Variants in UGT1A8 observed in about 807,000 individuals in gnomAD.
The protein encoded by UGT1A8 is UDP-glucuronosyltransferase 1A8.
In UGT1A8, 39 loss-of-function variants were observed where a neutral mutation model predicts 45.3. The ratio of observed to expected loss-of-function variants is 0.86; its 90% CI spans 0.67 to 1.12. The LOEUF is 1.12. UGT1A8 is among the 50% of genes most tolerant of loss of function. The probability of loss-of-function intolerance (pLI) is 0.00; values close to 1 mark genes in which losing one functional copy is unlikely to be tolerated. For missense variants in UGT1A8, 719 were observed against 664.9 expected (o/e 1.08, Z -0.90); for synonymous variants, 275 against 249.2 (o/e 1.10, Z -0.97).
chr2:233,679,778 G>T (rs966968949), intron 1 of UGT1A8, among the ~76,000 whole-genome samples: 7 of 152,042 alleles, frequency 4.6e-5, no homozygotes, highest in African/African-American at 1.7e-4. Flanking sequence ...AAATTCTCCA[G>T]TTTTAGATTC....
chr2:233,761,232 A>G, intron 1 of UGT1A8: 1 of 1,613,036 alleles, frequency 6.2e-7, no homozygotes, highest in Non-Finnish European at 8.5e-7. Flanking sequence ...CCCCAGATAT[A>G]TGCTGAGCAA....
chr2:233,617,740 C>T lies in UGT1A8; in HGVS notation c.33C>T (p.Pro11=), dbSNP rs2072927264. The T allele has an allele frequency of 1.2e-6, 2 of 1,614,070 alleles. No homozygotes were observed. The highest frequency in any genetic ancestry group is 8.5e-7 in the Non-Finnish European group (1 of 1,180,000). The change falls in exon 1 of 5, where the codon CCC becomes CCT. Residue 11 remains proline (P), a synonymous_variant. Transcript: ENST00000373450. ...GCACAGGGTGGACCAGCCCCATTCCCCTATGTGTTTCTCTGCTGCTGACCT... is the reference window on the plus strand; with the variant it reads ...GCACAGGGTGGACCAGCCCCATTCCTCTATGTGTTTCTCTGCTGCTGACCT... MARTGWTSPI[P]LCVSLLLTCG...
chr2:233,709,027 C>A (rs2076053667), intron 1 of UGT1A8, among the ~76,000 whole-genome samples: 1 of 152,124 alleles, frequency 6.6e-6, no homozygotes, highest in Non-Finnish European at 1.5e-5. Context: ...GCAGCAGGGG[C>A]TTCAGCCTGA....
chr2:233,652,513 A>G (rs1243625429), intron 1 of UGT1A8, among the ~76,000 whole-genome samples: 1 of 152,236 alleles, frequency 6.6e-6, no homozygotes, highest in Non-Finnish European at 1.5e-5. Context: ...AAAATTTGTT[A>G]CATAGCCACA....
At chr2:233,746,224 T>C (rs977968303) in intron 1 of UGT1A8, among the ~76,000 whole-genome samples, 14 of 151,784 alleles carry the variant, frequency 9.2e-5, no homozygotes, top group Non-Finnish European at 5.9e-5. Flanking sequence ...CAAGGACAGA[T>C]ATGCAAACTG....
intron 1 of UGT1A8, among the ~76,000 whole-genome samples, chr2:233,638,815 T>C (rs1388904936): frequency 6.6e-6 from 1 of 152,238 alleles, no homozygotes; most frequent in Non-Finnish European, 1.5e-5. Flanking sequence ...GAAATAATGC[T>C]CTTTCTAAAA....
intron 1 of UGT1A8, among the ~76,000 whole-genome samples, chr2:233,690,060 C>T (rs1252081460): frequency 1.3e-5 from 2 of 152,154 alleles, no homozygotes; most frequent in African/African-American, 4.8e-5. Context: ...TTCTGCAGCC[C>T]CACCTCACAG....
chr2:233,687,293 G>A (rs539296326), intron 1 of UGT1A8, among the ~76,000 whole-genome samples: 2 of 152,144 alleles, frequency 1.3e-5, no homozygotes, highest in Non-Finnish European at 2.9e-5. Flanking sequence ...ACAACATGGT[G>A]AGATATCAAT....
chr2:233,700,871 C>G (rs1196807341), intron 1 of UGT1A8, among the ~76,000 whole-genome samples: 4 of 151,832 alleles, frequency 2.6e-5, no homozygotes, highest in African/African-American at 9.7e-5. Context: ...ATCCCTCCCT[C>G]CTCCCCCCAC....
At chr2:233,716,297 A>G (rs1181187909) in intron 1 of UGT1A8, among the ~76,000 whole-genome samples, 1 of 152,154 alleles carries the variant, frequency 6.6e-6, no homozygotes, top group Non-Finnish European at 1.5e-5. Flanking sequence ...CACATCTATA[A>G]AGTCTCTTCC....
chr2:233,632,195 TATC>T (rs925260404), intron 1 of UGT1A8, among the ~76,000 whole-genome samples: 14 of 152,342 alleles, frequency 9.2e-5, no homozygotes, highest in African/African-American at 3.4e-4. Context: ...TTGGTCTATA[TATC>T]TGTTTGGGTA....
intron 1 of UGT1A8, among the ~76,000 whole-genome samples, chr2:233,681,164 C>T (rs1048754023): frequency 4.0e-5 from 6 of 151,668 alleles, no homozygotes; most frequent in East Asian, 2.0e-4. Context: ...AGGAGGTCAA[C>T]GCTAAGACCC....
At chr2:233,695,316 G>A (rs2075280466) in intron 1 of UGT1A8, among the ~76,000 whole-genome samples, 1 of 151,812 alleles carries the variant, frequency 6.6e-6, no homozygotes, top group African/African-American at 2.4e-5. Flanking sequence ...AGTAGAGGCG[G>A]GGTTTCACCA....
intron 1 of UGT1A8, chr2:233,741,568 C>G (rs1459540084): frequency 2.0e-5 from 3 of 151,868 alleles, no homozygotes; most frequent in African/African-American, 7.3e-5. Context: ...GTATGAGAAT[C>G]AACTACCCAG....
chr2:233,772,522 G>A lies in UGT1A8; in HGVS notation c.1556G>A (p.Gly519Glu). The A allele has an allele frequency of 6.2e-7, 1 of 1,614,168 alleles. No homozygotes were observed. Among genetic ancestry groups the A allele is most frequent in the Non-Finnish European group, 8.5e-7 (1 of 1,180,032 alleles). ...YGYRKCLGKK[G>E]RVKKAHKSKT... ...TACCGGAAATGCTTGGGGAAAAAAG[G>A]GCGAGTTAAGAAAGCCCACAAATCC... The change falls in exon 5 of 5, where the codon GGG becomes GAG. Residue 519 changes from glycine to glutamate, a missense_variant. Gly to Glu is a moderately conservative substitution (Grantham distance 98). Coordinates refer to ENST00000373450, the MANE Select transcript of UGT1A8 (RefSeq NM_019076.5).
At chr2:233,700,844 G>A (rs1050489871) in intron 1 of UGT1A8, among the ~76,000 whole-genome samples, 3 of 151,850 alleles carry the variant, frequency 2.0e-5, no homozygotes, top group African/African-American at 4.8e-5. Flanking sequence ...TTAGCATTAG[G>A]TATATCTCCT....
chr2:233,760,293 T>A (rs1359528738), intron 1 of UGT1A8: 1 of 1,613,450 alleles, frequency 6.2e-7, no homozygotes, highest in South Asian at 1.1e-5. Flanking sequence ...GCGCCATGGC[T>A]GTGGAGTCCC....
chr2:233,743,699 G>A (rs780880081), intron 1 of UGT1A8: 5 of 1,367,152 alleles, frequency 3.7e-6, no homozygotes, highest in African/African-American at 3.0e-5. Context: ...GCCGCCCTCC[G>A]CCCCCGCCTC....
chr2:233,743,662 G>T (rs34622615), intron 1 of UGT1A8: 40,924 of 1,367,182 alleles, frequency 0.03, 778 homozygotes, highest in African/African-American at 0.053. Flanking sequence ...ACTCGAAGGG[G>T]TCCTCGAAGG....
Sources: allele counts gnomAD v4.1 joint callset (sites outside exome capture counted in the v4.1 genomes callset), GRCh38; gene constraint gnomAD v4.1.1; transcripts MANE v1.5; gene names NCBI Gene and HGNC (gene_info 2026-07-23, HGNC 2026-07-21).